CREB1: variants seen among roughly 807,000 people sequenced by gnomAD.
CREB1 encodes the protein cyclic AMP-responsive element-binding protein 1.
CREB1 carries 2 observed loss-of-function variants against 42.0 expected under a neutral mutation model. The ratio of observed to expected loss-of-function variants is 0.05; its 90% confidence interval spans 0.02 to 0.15. The LOEUF (loss-of-function observed/expected upper bound fraction) is 0.15. Ranked by LOEUF, CREB1 falls within the 10% of genes least tolerant of loss-of-function variation. The probability of loss-of-function intolerance (pLI) is 1.00; values close to 1 mark genes in which losing one functional copy is unlikely to be tolerated. For synonymous variants in CREB1, 123 were observed against 139.9 expected (o/e 0.88, Z 0.85); for missense variants, 199 against 388.9 (o/e 0.51, Z 4.11).
At chr2:207,555,509 G>A (rs984490820) in intron 1 of CREB1, 119 bp from the exon 2 acceptor site, 2 of 535,604 alleles carry the variant, frequency 3.7e-6, no homozygotes, top group Non-Finnish European at 6.7e-6. Flanking sequence ...CTAGATTTCT[G>A]AGTTCATTTG....
At chr2:207,587,698 A>T (rs1374956988) in intron 7 of CREB1, among the ~76,000 whole-genome samples, 1 of 152,248 alleles carries the variant, frequency 6.6e-6, no homozygotes, top group Non-Finnish European at 1.5e-5. Flanking sequence ...AAACATGGAA[A>T]GATAAATACC....
intron 1 of CREB1, among the ~76,000 whole-genome samples, chr2:207,539,329 C>T (rs1195491792): frequency 6.6e-6 from 1 of 151,730 alleles, no homozygotes; most frequent in Admixed American, 6.6e-5. Flanking sequence ...AGGCATGAAC[C>T]ACCGCCCCCA....
chr2:207,557,692 A>G (rs1435441279), intron 2 of CREB1, among the ~76,000 whole-genome samples: 1 of 152,186 alleles, frequency 6.6e-6, no homozygotes, highest in African/African-American at 2.4e-5. Context: ...AATTGAATGT[A>G]CATGTGCCTT....
intron 1 of CREB1, among the ~76,000 whole-genome samples, chr2:207,535,438 AACAG>A (rs1438412376): frequency 6.6e-6 from 1 of 152,120 alleles, no homozygotes; most frequent in East Asian, 1.9e-4. Context: ...GGTTTTTTTT[AACAG>A]ACAGCTCATG....
At chr2:207,583,845 C>T (rs1286608231) in intron 7 of CREB1, among the ~76,000 whole-genome samples, 1 of 152,134 alleles carries the variant, frequency 6.6e-6, no homozygotes, top group African/African-American at 2.4e-5. Context: ...GTCAGCTTCC[C>T]CCACGCCCTG....
At position 207,597,357 on chromosome 2, in the gene CREB1, G is replaced by C. The variant is rs2086344443; in HGVS notation, c.*299G>C. ...AATTTGTTTACTTGTAAATTGATGG[G>C]AGAAATGAGGAAAAGAAAATCTTTT... On this transcript the variant is annotated 3_prime_UTR_variant, in exon 8 of 8. Transcript: ENST00000353267. The C allele has an allele frequency of 3.3e-6, 1 of 302,912 alleles. No homozygotes were observed. The highest frequency in any genetic ancestry group is 6.0e-6 in the Non-Finnish European group (1 of 166,080). 18.8% of individuals were successfully genotyped at this position (302,912 alleles called of 1,614,324 possible). A position where few individuals can be genotyped will look rare whatever the true frequency, so the allele number is the denominator to read the frequency against.
At chr2:207,579,045 C>T in intron 7 of CREB1, among the ~76,000 whole-genome samples, 1 of 152,126 alleles carries the variant, frequency 6.6e-6, no homozygotes, top group Non-Finnish European at 1.5e-5. Flanking sequence ...CTCGGACTTC[C>T]AAAGTGCTGG....
At chr2:207,534,398 G>A (rs2080781119) in intron 1 of CREB1, among the ~76,000 whole-genome samples, 1 of 151,948 alleles carries the variant, frequency 6.6e-6, no homozygotes, top group African/African-American at 2.4e-5. Flanking sequence ...CACCACGCCC[G>A]GCTAATTTTT....
chr2:207,577,561 G>T lies in CREB1; in HGVS notation c.745G>T (p.Ala249Ser), dbSNP rs780739172. 1 of 1,613,936 alleles carries T rather than the reference G, an allele frequency of 6.2e-7. No individual in the cohort carries two copies. Among genetic ancestry groups the T allele is most frequent in the Non-Finnish European group, 8.5e-7 (1 of 1,179,944 alleles). The part of the protein sequence containing the change: ...QIRTAPTSTI[A>S]PGVVMASSPA... Reference sequence around the variant, plus strand: ...TCGCACAGCACCCACTAGCACTATTGCCCCTGGAGTTGTTATGGCATCCTC... The same window carrying T: ...TCGCACAGCACCCACTAGCACTATTTCCCCTGGAGTTGTTATGGCATCCTC... Residue 249 changes from alanine to serine, a missense_variant, in exon 7 of 8, where the codon GCC (alanine) becomes TCC (serine). Coordinates refer to ENST00000353267, the MANE Select transcript of CREB1 (RefSeq NM_004379.5).
intron 2 of CREB1, among the ~76,000 whole-genome samples, chr2:207,556,591 A>C (rs2081732861): frequency 6.6e-6 from 1 of 152,208 alleles, no homozygotes; most frequent in Non-Finnish European, 1.5e-5. Flanking sequence ...TGTCTGGCTG[A>C]GGTAGTGTGA....
intron 7 of CREB1, among the ~76,000 whole-genome samples, chr2:207,580,135 T>C (rs1003430187): frequency 6.6e-6 from 1 of 152,180 alleles, no homozygotes; most frequent in Non-Finnish European, 1.5e-5. Context: ...ATCCCCACTT[T>C]AGAGGAGGAG....
intron 4 of CREB1, 84 bp downstream of exon 4, chr2:207,567,647 T>G (rs1482288889): frequency 2.2e-6 from 2 of 890,858 alleles, no homozygotes; most frequent in African/African-American, 3.3e-5. Flanking sequence ...GACCAGTTAG[T>G]TGTTCACGTC....
intron 7 of CREB1, among the ~76,000 whole-genome samples, chr2:207,585,882 G>A (rs1019253652): frequency 3.3e-5 from 5 of 152,052 alleles, no homozygotes; most frequent in Non-Finnish European, 7.4e-5. Context: ...ACATCATAAA[G>A]CAAACAAATA....
chr2:207,535,919 C>T (rs1279882961), intron 1 of CREB1, among the ~76,000 whole-genome samples: 4 of 151,938 alleles, frequency 2.6e-5, no homozygotes, highest in Non-Finnish European at 5.9e-5. Context: ...TTTCCTGGCT[C>T]AAGCCATCCT....
intron 3 of CREB1, chr2:207,561,219 A>T: frequency 7.2e-7 from 1 of 1,390,068 alleles, no homozygotes. Context: ...GTGAGAAATT[A>T]TTCTTTATGT....
chr2:207,570,961 T>C (rs1418569612), intron 5 of CREB1, among the ~76,000 whole-genome samples: 4 of 152,030 alleles, frequency 2.6e-5, no homozygotes, highest in Non-Finnish European at 5.9e-5. Context: ...TAAGACACTT[T>C]TGAATTTTAT....
At chr2:207,580,936 A>T (rs1489395305) in intron 7 of CREB1, 1 of 217,266 alleles carries the variant, frequency 4.6e-6, no homozygotes, top group African/African-American at 2.2e-5. Context: ...TCTACTCGTG[A>T]TCTGTTAGCC....
chr2:207,596,673 T>G (rs1391715540), intron 7 of CREB1, among the ~76,000 whole-genome samples: 1 of 152,292 alleles, frequency 6.6e-6, no homozygotes, highest in South Asian at 2.1e-4. Context: ...CCTCAGGTGA[T>G]CTCCCTGCCT....
intron 1 of CREB1, among the ~76,000 whole-genome samples, chr2:207,544,924 T>C (rs2081239796): frequency 6.6e-6 from 1 of 152,258 alleles, no homozygotes; most frequent in Non-Finnish European, 1.5e-5. Flanking sequence ...CTGCATAGTA[T>C]TTCATGGTGT....
Sources: gnomAD v4.1 joint callset for allele counts (sites outside exome capture counted in the v4.1 genomes callset) on GRCh38, gnomAD v4.1.1 for gene constraint, MANE v1.5 for transcripts, NCBI Gene and HGNC (gene_info 2026-07-23, HGNC 2026-07-21) for gene names.